Variants in CRYAB observed in about 807,000 individuals in gnomAD.
CRYAB encodes the protein crystallin alpha B, also known as alpha-crystallin B chain.
CRYAB carries 9 observed loss-of-function variants against 12.7 expected under a neutral mutation model. That is an observed-to-expected ratio of 0.71 (90% CI 0.43 to 1.24). The LOEUF (loss-of-function observed/expected upper bound fraction) is 1.24, where lower values mean the gene tolerates loss of function less well. CRYAB is among the 50% of genes most tolerant of loss of function. The probability of loss-of-function intolerance (pLI) is 0.00; values close to 1 mark genes in which losing one functional copy is unlikely to be tolerated. For missense variants in CRYAB, 183 were observed against 226.6 expected (o/e 0.81, Z 1.24); for synonymous variants, 93 against 86.8 (o/e 1.07, Z -0.40).
intron 1 of CRYAB, among the ~76,000 whole-genome samples, chr11:111,922,165 A>G (rs1320819900): frequency 6.6e-6 from 1 of 152,198 alleles, no homozygotes; most frequent in Non-Finnish European, 1.5e-5. Context: ...AGAAAACAGA[A>G]GCCCAGAGAA....
At chr11:111,913,677 G>A (rs4252589), upstream of CRYAB, 11,622 of 1,614,132 alleles carry the variant, frequency 7.2e-3, 70 homozygotes, top group Non-Finnish European at 7.3e-3. Flanking sequence ...GGACCGCCAC[G>A]GCTTCGTGTC....
At chr11:111,911,349 T>C (rs1036557236) in intron 1 of CRYAB, among the ~76,000 whole-genome samples, 175 bp downstream of exon 1, 23 of 152,126 alleles carry the variant, frequency 1.5e-4, no homozygotes, top group Admixed American at 6.5e-5. Context: ...CAGAGGACTA[T>C]CAAATAGAAA....
rs12287132 is a variant in CRYAB, at chr11:111,918,375, A to G, written c.-199+5328T>C. 4.3e-3 allele frequency among the ~76,000 whole-genome samples: 659 copies of G among 152,308 alleles called. 3 individuals carry two copies. Among genetic ancestry groups the G allele is most frequent in the African/African-American group, 0.015 (626 of 41,560 alleles). ...TTTCATTTCACAGCCCTAGAAACTT[A>G]GGCCCTATAAAGGTTAAGTGATTTG... On this transcript the variant is annotated intron_variant, in intron 1 of 3. Transcript: ENST00000527950.
Position 111,911,704 on chromosome 11 carries a change from G to C in CRYAB, c.21C>G (p.His7Gln), listed in dbSNP as rs1555165608. ...GAAAGAAGGGGCGGCGGATCCAGGG[G>C]TGGTGGATGGCGATGTCCATGGTGG... MDIAIH[H>Q]PWIRRPFFPF... The change falls in exon 1 of 3, where the codon CAC becomes CAG. Residue 7 changes from histidine to glutamine, a missense_variant. By Grantham distance (24) the His-to-Gln change is conservative. Around this residue, in one of 3 missense-constraint regions of CRYAB, gnomAD observed 86 missense variants for 96.1 expected, o/e 0.89. Coordinates refer to ENST00000650687, the MANE Select transcript of CRYAB (RefSeq NM_001289808.2). The C allele has an allele frequency of 6.3e-7, 1 of 1,592,026 alleles. No homozygotes were observed. Among genetic ancestry groups the C allele is most frequent in the Non-Finnish European group, 8.6e-7 (1 of 1,169,290 alleles).
chr11:111,908,834 G>C lies in CRYAB; in HGVS notation c.458C>G (p.Ser153Cys). ...GATGGGAATGGTGCGCTCAGGGCCA[G>C]AGACCTGTTTCCTTGGTCCATTCAC... ...LTVNGPRKQV[S>C]GPERTIPITR... The change falls in exon 3 of 3, where the codon TCT (serine) becomes TGT (cysteine). Residue 153 changes from serine (S) to cysteine (C), a missense_variant. By Grantham distance (112) the Ser-to-Cys change is moderately radical. This residue lies in a region of CRYAB where 95 missense variants were observed against 112.5 expected (regional missense o/e 0.84). Transcript: ENST00000650687. 1 of 1,613,946 alleles carries C rather than the reference G, an allele frequency of 6.2e-7. No individual in the cohort carries two copies. The highest frequency in any genetic ancestry group is 8.5e-7 in the Non-Finnish European group (1 of 1,180,034).
upstream of CRYAB, chr11:111,913,605 G>A (rs782564961): frequency 4.3e-6 from 7 of 1,614,176 alleles, no homozygotes; most frequent in Non-Finnish European, 5.9e-6. Flanking sequence ...TACCCCAGAC[G>A]AGGTGACTGT....
intron 1 of CRYAB, among the ~76,000 whole-genome samples, chr11:111,921,837 C>CT (rs1555166590): frequency 2.9e-4 from 39 of 135,452 alleles, no homozygotes; most frequent in African/African-American, 7.4e-4. Context: ...TTATCATACT[C>CT]ATTTTTTTTT....
chr11:111,908,716 G>A lies in CRYAB; in HGVS notation c.*48C>T. 7.6e-6 allele frequency: 12 copies of A among 1,582,746 alleles called. No individual in the cohort carries two copies. The highest frequency in any genetic ancestry group is 1.0e-5 in the Non-Finnish European group (12 of 1,153,540). On this transcript the variant is annotated 3_prime_UTR_variant, in exon 3 of 3. Transcript: ENST00000650687. ...ACTAGTCACAAGACTTTCATTCACT[G>A]GTGGGGAAACTTTCTTGTTTTAAAA...
rs1965466110 is a variant in CRYAB at position 111,911,695 on chromosome 11, G to T, written c.30C>A (p.Ile10=). ...AGTGGAAAGGAAAGAAGGGGCGGCGGATCCAGGGGTGGTGGATGGCGATGT... is the reference window on the plus strand; with the variant it reads ...AGTGGAAAGGAAAGAAGGGGCGGCGTATCCAGGGGTGGTGGATGGCGATGT... MDIAIHHPW[I]RRPFFPFHSP... The change falls in exon 1 of 3, where the codon ATC becomes ATA. Residue 10 remains isoleucine (I), a synonymous_variant. Transcript: ENST00000650687. 1 of 1,597,608 alleles carries T rather than the reference G, an allele frequency of 6.3e-7. No individual in the cohort carries two copies. Among genetic ancestry groups the T allele is most frequent in the Non-Finnish European group, 8.5e-7 (1 of 1,172,256 alleles).
At chr11:111,919,038 A>G (rs1555166306) in intron 1 of CRYAB, 1 of 1,613,604 alleles carries the variant, frequency 6.2e-7, no homozygotes, top group South Asian at 1.1e-5. Context: ...GGGAACATCT[A>G]TCTCTGTTGG....
chr11:111,910,002 T>A, intron 2 of CRYAB: 1 of 610,932 alleles, frequency 1.6e-6, no homozygotes, highest in South Asian at 2.0e-5. Flanking sequence ...TGGTCTGGAG[T>A]ATGCCCGAGC....
upstream of CRYAB, among the ~76,000 whole-genome samples, chr11:111,914,481 A>G (rs1555166004): frequency 1.3e-5 from 2 of 152,156 alleles, no homozygotes; most frequent in African/African-American, 4.8e-5. Flanking sequence ...CCTGGAGTGA[A>G]TACTTTGTTT....
At chr11:111,922,983 T>C (rs1555166665) in intron 1 of CRYAB, among the ~76,000 whole-genome samples, 1 of 152,176 alleles carries the variant, frequency 6.6e-6, no homozygotes, top group Non-Finnish European at 1.5e-5. Flanking sequence ...ACTCACTCCA[T>C]TTGGGTTGTG....
At chr11:111,919,124 C>A in intron 1 of CRYAB, 1 of 1,095,398 alleles carries the variant, frequency 9.1e-7, no homozygotes, top group Non-Finnish European at 1.3e-6. Context: ...CTTCCTCTGC[C>A]TGGTACCTCC....
rs567985331 is a variant in CRYAB, at chr11:111,910,212, G to A, written c.324+115C>T. On this transcript the variant is annotated intron_variant, in intron 2 of 2. Transcript: ENST00000650687. ...ACATTGATTTGTAACCCCTGATCCC[G>A]ACTGTTATGGCTTGGGACTGGAATG... The A allele has an allele frequency of 4.1e-5, 53 of 1,296,532 alleles. No individual in the cohort carries two copies. The East Asian group carries it at 1.1e-3, about 27-fold the overall frequency. 80.3% of individuals were successfully genotyped at this position (1,296,532 alleles called of 1,614,324 possible).
upstream of CRYAB, among the ~76,000 whole-genome samples, chr11:111,917,405 T>C (rs1965613195): frequency 6.6e-6 from 1 of 152,110 alleles, no homozygotes. Context: ...CATGAAATAG[T>C]GCAATGATTG....
chr11:111,910,266 C>T (rs782303130), intron 2 of CRYAB, 61 bp downstream of exon 2: 18 of 1,606,976 alleles, frequency 1.1e-5, no homozygotes, highest in Non-Finnish European at 1.4e-5. Context: ...GATAGCACTA[C>T]CTGGACTATT....
At chr11:111,910,513 T>C in intron 1 of CRYAB, 64 bp from the exon 2 acceptor site, 5 of 1,590,112 alleles carry the variant, frequency 3.1e-6, no homozygotes, top group Non-Finnish European at 4.3e-6. Context: ...ATTACACAGG[T>C]GCTGTCTTAT....
chr11:111,923,711 G>A (rs1344083473), exon 1 of CRYAB: 2 of 152,224 alleles, frequency 1.3e-5, no homozygotes, highest in Non-Finnish European at 2.9e-5. Flanking sequence ...ACCAAATTCA[G>A]TGCTCCCTGT....
Sources: gnomAD v4.1 joint callset for allele counts (sites outside exome capture counted in the v4.1 genomes callset) on GRCh38, gnomAD v4.1.1 for gene constraint, gnomAD v4.1.1 regional missense constraint, MANE v1.5 for transcripts, NCBI Gene and HGNC (gene_info 2026-07-23, HGNC 2026-07-21) for gene names.